Variants in RBFOX1 observed in about 807,000 individuals in gnomAD.
The protein encoded by RBFOX1 is RNA binding protein fox-1 homolog 1.
In RBFOX1, 8 loss-of-function variants were observed where a neutral mutation model predicts 57.7. The observed-to-expected ratio is 0.14, with a 90% CI of 0.08 to 0.25. The LOEUF is 0.25. RBFOX1 is among the 10% of genes least tolerant of loss of function. The pLI, the probability that RBFOX1 is intolerant of heterozygous loss-of-function variation, is 1.00. For synonymous variants in RBFOX1, 326 were observed against 222.4 expected, an observed-to-expected ratio of 1.47 and a Z score of -4.15; for missense variants, 611 against 548.5, an observed-to-expected ratio of 1.11 and a Z score of -1.14.
chr16:6,203,942 C>T (rs1169308238), intron 1 of RBFOX1, among the ~76,000 whole-genome samples: 3 of 151,372 alleles, frequency 2.0e-5, no homozygotes, highest in Non-Finnish European at 4.4e-5. Flanking sequence ...CATATTAACT[C>T]TCAACCTGTT....
chr16:5,403,206 T>C (rs1460592812), intron 1 of RBFOX1, among the ~76,000 whole-genome samples: 2 of 151,678 alleles, frequency 1.3e-5, no homozygotes, highest in African/African-American at 4.8e-5. Flanking sequence ...CAAAATTAGC[T>C]GGGTGTGGTG....
chr16:5,654,931 G>A (rs993997355), intron 3 of RBFOX1, among the ~76,000 whole-genome samples: 3 of 152,002 alleles, frequency 2.0e-5, no homozygotes, highest in African/African-American at 7.2e-5. Context: ...TACCATTTCA[G>A]CATCCAGGAC....
intron 3 of RBFOX1, among the ~76,000 whole-genome samples, chr16:7,007,922 C>T (rs1010708498): frequency 7.2e-5 from 11 of 152,132 alleles, no homozygotes; most frequent in African/African-American, 2.2e-4. Context: ...CTAGCTGGGG[C>T]CTCCTAGTAC....
At chr16:7,489,242 C>G (rs373117891) in intron 4 of RBFOX1, among the ~76,000 whole-genome samples, 7 of 151,874 alleles carry the variant, frequency 4.6e-5, no homozygotes, top group African/African-American at 1.7e-4. Context: ...TTTTTAAATT[C>G]AAGAGTATTA....
chr16:7,236,060 C>A (rs1409605124), intron 4 of RBFOX1, among the ~76,000 whole-genome samples: 1 of 152,090 alleles, frequency 6.6e-6, no homozygotes, highest in Non-Finnish European at 1.5e-5. Context: ...CAAAAAGATC[C>A]TGGTTATTGT....
chr16:7,535,725 A>T (rs2081311681), intron 5 of RBFOX1, among the ~76,000 whole-genome samples: 2 of 152,360 alleles, frequency 1.3e-5, no homozygotes, highest in East Asian at 3.9e-4. Context: ...TGTATCACAC[A>T]TACATTAATC....
intron 14 of RBFOX1, among the ~76,000 whole-genome samples, chr16:7,706,869 C>G (rs2082620082): frequency 6.6e-6 from 1 of 152,052 alleles, no homozygotes; most frequent in Non-Finnish European, 1.5e-5. Flanking sequence ...GGGTAAAGGC[C>G]CAGGTCTCAG....
chr16:7,564,380 A>G (rs2091181578), intron 5 of RBFOX1, among the ~76,000 whole-genome samples: 1 of 151,842 alleles, frequency 6.6e-6, no homozygotes, highest in Non-Finnish European at 1.5e-5. Flanking sequence ...TCTACTAAAA[A>G]TACAAAAATT....
At chr16:6,901,559 A>C (rs1322185583) in intron 3 of RBFOX1, among the ~76,000 whole-genome samples, 1 of 152,184 alleles carries the variant, frequency 6.6e-6, no homozygotes, top group African/African-American at 2.4e-5. Context: ...TTGTTTATGT[A>C]GTGGAATGTT....
At chr16:6,931,292 T>TCTATCTATCTAC (rs1490913672) in intron 3 of RBFOX1, among the ~76,000 whole-genome samples, 72 of 108,812 alleles carry the variant, frequency 6.6e-4, no homozygotes, top group African/African-American at 2.6e-3. Context: ...TGTCTGTCTG[T>TCTATCTATCTAC]CTGTCTATCT....
At chr16:6,164,080 C>T (rs907156643) in intron 1 of RBFOX1, among the ~76,000 whole-genome samples, 6 of 152,132 alleles carry the variant, frequency 3.9e-5, no homozygotes, top group Non-Finnish European at 5.9e-5. Flanking sequence ...TAACTTTAGT[C>T]CTCACGCTGT....
chr16:6,927,487 T>G (rs1441866431), intron 3 of RBFOX1, among the ~76,000 whole-genome samples: 1 of 149,326 alleles, frequency 6.7e-6, no homozygotes, highest in South Asian at 2.1e-4. Flanking sequence ...CAAAAATGTT[T>G]CCTCTCTTTC....
chr16:6,843,450 A>G (rs888859063), intron 3 of RBFOX1, among the ~76,000 whole-genome samples: 12 of 152,092 alleles, frequency 7.9e-5, no homozygotes, highest in Non-Finnish European at 1.3e-4. Flanking sequence ...GTACTTTGGG[A>G]GGCTGAGGCG....
intron 13 of RBFOX1, among the ~76,000 whole-genome samples, chr16:7,671,874 C>T (rs762812700): frequency 6.6e-6 from 1 of 152,182 alleles, no homozygotes; most frequent in Non-Finnish European, 1.5e-5. Context: ...CAGCCATGAG[C>T]TTTGTTAGAT....
chr16:5,369,516 C>G (rs1316531917), intron 1 of RBFOX1, among the ~76,000 whole-genome samples: 4 of 152,218 alleles, frequency 2.6e-5, no homozygotes, highest in Admixed American at 2.0e-4. Flanking sequence ...TGAGGACGTT[C>G]TCCGTGGTAC....
chr16:5,407,253 C>A (rs1264447531), intron 1 of RBFOX1, among the ~76,000 whole-genome samples: 2 of 152,154 alleles, frequency 1.3e-5, no homozygotes, highest in African/African-American at 4.8e-5. Context: ...ATGATCCAGT[C>A]CCCTCCCACC....
intron 1 of RBFOX1, among the ~76,000 whole-genome samples, chr16:6,185,351 G>A (rs1233010083): frequency 1.3e-5 from 2 of 152,018 alleles, no homozygotes; most frequent in South Asian, 4.2e-4. Context: ...CTTCCCTCCT[G>A]CCCACCTTCG....
At chr16:7,585,931 G>A (rs771732658) in intron 6 of RBFOX1, among the ~76,000 whole-genome samples, 9 of 151,848 alleles carry the variant, frequency 5.9e-5, no homozygotes, top group Non-Finnish European at 1.3e-4. Context: ...CCTCACCCCA[G>A]TCGCTCTGTC....
chr16:7,039,961 A>G (rs1205730091), intron 3 of RBFOX1, among the ~76,000 whole-genome samples: 1 of 151,998 alleles, frequency 6.6e-6, no homozygotes, highest in Admixed American at 6.6e-5. Context: ...TTTTCAAGAT[A>G]GCCACCCTAC....
Sources: gnomAD v4.1 joint callset for allele counts (sites outside exome capture counted in the v4.1 genomes callset) on GRCh38, gnomAD v4.1.1 for gene constraint, MANE v1.5 for transcripts, NCBI Gene and HGNC (gene_info 2026-07-23, HGNC 2026-07-21) for gene names.